F13A1: variants seen among roughly 807,000 people sequenced by gnomAD.
F13A1 encodes FSF, A subunit.
Under a neutral mutation model 80.1 loss-of-function variants are expected in F13A1, and 47 were observed. The ratio of observed to expected loss-of-function variants is 0.59; its 90% confidence interval spans 0.46 to 0.75. The LOEUF (loss-of-function observed/expected upper bound fraction) is 0.75, where lower values mean the gene tolerates loss of function less well. Among genes scored for constraint, F13A1 ranks in the 30% least tolerant of loss-of-function variants. The pLI is 0.00. For synonymous variants in F13A1, 349 were observed against 344.9 expected, an observed-to-expected ratio of 1.01 and a Z score of -0.13; for missense variants, 817 against 930.4, an observed-to-expected ratio of 0.88 and a Z score of 1.59.
chr6:6,258,840 A>C (rs1347566093), intron 4 of F13A1, among the ~76,000 whole-genome samples: 2 of 152,340 alleles, frequency 1.3e-5, no homozygotes, highest in Admixed American at 1.3e-4. Flanking sequence ...TCCTATGCAA[A>C]TACTGTTCTG....
rs1757848724 is a variant in F13A1 at position 6,266,632 on chromosome 6, G to A, written c.497C>T (p.Thr166Ile). The A allele has an allele frequency of 6.2e-7, 1 of 1,614,202 alleles. No individual in the cohort carries two copies. The part of the protein sequence containing the change: ...GKFRMYVAVW[T>I]PYGVLRTSRN... ...ACTGGTTCGAAGTACGCCATAGGGA[G>A]TCCAGACAGCAACATACATGCGGAA... The change falls in exon 4 of 15, where the codon ACT becomes ATT. Residue 166 changes from threonine to isoleucine, a missense_variant. Thr to Ile is a moderately conservative substitution (Grantham distance 89, BLOSUM62 -1). Coordinates refer to ENST00000264870, the MANE Select transcript of F13A1 (RefSeq NM_000129.4).
intron 3 of F13A1, among the ~76,000 whole-genome samples, chr6:6,302,753 A>G (rs192336432): frequency 6.6e-6 from 1 of 152,202 alleles, no homozygotes; most frequent in Admixed American, 6.5e-5. Context: ...TGACATCACT[A>G]TGTAACAGGA....
chr6:6,308,412 A>G (rs1758542883), intron 2 of F13A1, among the ~76,000 whole-genome samples: 1 of 151,556 alleles, frequency 6.6e-6, no homozygotes, highest in Non-Finnish European at 1.5e-5. Context: ...TCTCTTTTGA[A>G]GTGTTATTTT....
chr6:6,236,833 A>AAGGCCT (rs1757419963), intron 6 of F13A1, among the ~76,000 whole-genome samples: 1 of 152,174 alleles, frequency 6.6e-6, no homozygotes, highest in Non-Finnish European at 1.5e-5. Context: ...ACTAACATCA[A>AAGGCCT]AGGCCTAGCG....
At chr6:6,206,994 T>C (rs867838856) in intron 8 of F13A1, among the ~76,000 whole-genome samples, 5 of 151,836 alleles carry the variant, frequency 3.3e-5, no homozygotes, top group South Asian at 2.1e-4. Flanking sequence ...TGCTCCTCCA[T>C]AGAGCAATGA....
chr6:6,179,349 T>C (rs569925014), intron 11 of F13A1, among the ~76,000 whole-genome samples: 3 of 152,374 alleles, frequency 2.0e-5, no homozygotes, highest in Middle Eastern at 3.4e-3. Context: ...GTGAACCTGA[T>C]CTTTCCATGA....
chr6:6,288,113 T>C (rs1420128216), intron 3 of F13A1, among the ~76,000 whole-genome samples: 2 of 152,248 alleles, frequency 1.3e-5, no homozygotes, highest in Non-Finnish European at 2.9e-5. Context: ...ACATGTTTAT[T>C]ACCTTACATA....
intron 10 of F13A1, among the ~76,000 whole-genome samples, chr6:6,185,542 G>A (rs1761065792): frequency 6.6e-6 from 1 of 151,806 alleles, no homozygotes. Flanking sequence ...CCCTACAAAG[G>A]ACATGAACTC....
chr6:6,267,408 GC>G (rs1364651663), intron 3 of F13A1, among the ~76,000 whole-genome samples: 3 of 152,196 alleles, frequency 2.0e-5, no homozygotes, highest in Non-Finnish European at 2.9e-5. Flanking sequence ...CCTCTCAGGA[GC>G]CCCTCCATAA....
At chr6:6,188,396 G>T (rs1270588649) in intron 10 of F13A1, among the ~76,000 whole-genome samples, 2 of 140,126 alleles carry the variant, frequency 1.4e-5, no homozygotes, top group Non-Finnish European at 1.5e-5. Context: ...TGCTTTGAAT[G>T]TGTCCCAGAG....
chr6:6,305,900 C>G (rs1318686465), intron 2 of F13A1, among the ~76,000 whole-genome samples: 1 of 152,148 alleles, frequency 6.6e-6, no homozygotes, highest in Non-Finnish European at 1.5e-5. Context: ...AGAAGCTTCC[C>G]ATCATGTCAC....
At chr6:6,164,726 CTTCCTCTTTTCT>C (rs1177551872) in intron 13 of F13A1, among the ~76,000 whole-genome samples, 1 of 149,898 alleles carries the variant, frequency 6.7e-6, no homozygotes, top group Non-Finnish European at 1.5e-5. Flanking sequence ...CCTCCTGTGC[CTTCCTCTTTTCT>C]TTCCTCTTTT....
At chr6:6,212,496 CAGAA>C (rs1761636832) in intron 8 of F13A1, among the ~76,000 whole-genome samples, 1 of 152,190 alleles carries the variant, frequency 6.6e-6, no homozygotes, top group Non-Finnish European at 1.5e-5. Flanking sequence ...AACTGACAAA[CAGAA>C]AGGACATCCA....
At chr6:6,182,529 G>A (rs549959340) in intron 10 of F13A1, among the ~76,000 whole-genome samples, 29 of 152,298 alleles carry the variant, frequency 1.9e-4, no homozygotes, top group Middle Eastern at 3.4e-3. Flanking sequence ...CCAGGAGGAA[G>A]AGGAAGTCTG....
Position 6,266,780 on chromosome 6 carries a change from A to G in F13A1, c.349T>C (p.Tyr117His). Reference sequence around the variant, plus strand: ...TCTGAGACTATAGGCACTGGGATGTAGGTTCCCTTGTTCTCCTGTGGGTAG... The same window carrying G: ...TCTGAGACTATAGGCACTGGGATGTGGGTTCCCTTGTTCTCCTGTGGGTAG... ...GRYPQENKGT[Y>H]IPVPIVSELQ... Residue 117 changes from tyrosine to histidine, a missense_variant, in exon 4 of 15, where the codon TAC becomes CAC. Coordinates refer to ENST00000264870, the MANE Select transcript of F13A1 (RefSeq NM_000129.4). 1 of 1,614,212 alleles carries G rather than the reference A, an allele frequency of 6.2e-7. No homozygotes were observed. Among genetic ancestry groups the G allele is most frequent in the South Asian group, 1.1e-5 (1 of 91,080 alleles).
Position 6,243,236 on chromosome 6 carries a change from C to A in F13A1, c.798+5076G>T, listed in dbSNP as rs949898187. 2.0e-5 allele frequency among the ~76,000 whole-genome samples: 3 copies of A among 151,652 alleles called. No individual in the cohort carries two copies. Among genetic ancestry groups the A allele is most frequent in the African/African-American group, 7.3e-5 (3 of 41,244 alleles). Reference sequence around the variant, plus strand: ...TCACCACCACCATCACCGTCACCATCTCCACCACCACCATCACCATCATCA... The same window carrying A: ...TCACCACCACCATCACCGTCACCATATCCACCACCACCATCACCATCATCA... On this transcript the variant is annotated intron_variant, in intron 6 of 14. Transcript: ENST00000264870. The surrounding 1 kb of genome is among the most constrained non-coding windows in gnomAD (Gnocchi z 4.2).
chr6:6,208,058 T>C lies in F13A1; in HGVS notation c.1113-10732A>G, dbSNP rs544039124. Among the ~76,000 whole-genome samples, 14 of 152,250 alleles carry C rather than the reference T, an allele frequency of 9.2e-5. No individual in the cohort carries two copies. In the South Asian group the frequency reaches 2.7e-3, roughly 29 times the overall value. ...ATACACAGGAAGCAGCCAAGAGAAA[T>C]TGGTATTAAGAAAGCTAAGACATTG... On this transcript the variant is annotated intron_variant, in intron 8 of 14. Transcript: ENST00000264870.
At chr6:6,189,687 T>C (rs1761146008) in intron 10 of F13A1, among the ~76,000 whole-genome samples, 1 of 145,756 alleles carries the variant, frequency 6.9e-6, no homozygotes, top group Admixed American at 7.0e-5. Context: ...TTGGTGAATC[T>C]GACAATTATG....
intron 10 of F13A1, among the ~76,000 whole-genome samples, chr6:6,193,574 C>T (rs1425963001): frequency 6.6e-6 from 1 of 152,216 alleles, no homozygotes; most frequent in South Asian, 2.1e-4. Flanking sequence ...ACAAATTGTA[C>T]CCTCTGTCAG....
Sources: gnomAD v4.1 joint callset for allele counts (sites outside exome capture counted in the v4.1 genomes callset) on GRCh38, gnomAD v4.1.1 for gene constraint, Gnocchi (gnomAD v3.1) non-coding constraint, MANE v1.5 for transcripts, NCBI Gene and HGNC (gene_info 2026-07-23, HGNC 2026-07-21) for gene names.